SDCCAG8: variants seen among roughly 807,000 people sequenced by gnomAD.
SDCCAG8 encodes the protein SHH signaling and ciliogenesis regulator SDCCAG8, also known as serologically defined colon cancer antigen 8.
In SDCCAG8, 74 loss-of-function variants were observed where a neutral mutation model predicts 101.8. The observed-to-expected ratio is 0.73, with a 90% CI of 0.60 to 0.88. The LOEUF (loss-of-function observed/expected upper bound fraction) is 0.88, where lower values mean the gene tolerates loss of function less well. SDCCAG8 is among the 40% of genes least tolerant of loss of function. SDCCAG8 has a pLI of 0.00. For synonymous variants in SDCCAG8, 281 were observed against 292.9 expected, an observed-to-expected ratio of 0.96 and a Z score of 0.41; for missense variants, 787 against 822.6, an observed-to-expected ratio of 0.96 and a Z score of 0.53.
intron 1 of SDCCAG8, chr1:243,267,551 G>T (rs71652482): frequency 4.6e-6 from 2 of 438,676 alleles, no homozygotes; most frequent in Non-Finnish European, 8.4e-6. Flanking sequence ...GCGGTGAGCC[G>T]AGATTGCGCC....
At chr1:243,293,391 AT>A (rs1274506214) in intron 6 of SDCCAG8, 172 bp downstream of exon 6, 1 of 783,696 alleles carries the variant, frequency 1.3e-6, no homozygotes, top group East Asian at 2.7e-5. Flanking sequence ...AACATTATCC[AT>A]TTTCAGAACT....
At chr1:243,489,236 A>C in intron 17 of SDCCAG8, 96 bp downstream of exon 17, 4 of 1,486,342 alleles carry the variant, frequency 2.7e-6, no homozygotes, top group Admixed American at 2.0e-5. Flanking sequence ...CTCACGGATC[A>C]CATCGGTTAG....
rs144041090 is a variant in SDCCAG8, at chr1:243,272,472, A to G, written c.306+1409A>G. On this transcript the variant is annotated intron_variant, in intron 3 of 17. Coordinates refer to ENST00000366541, the MANE Select transcript of SDCCAG8 (RefSeq NM_006642.5). Reference sequence around the variant, plus strand: ...AAACATCTCATCATTTAATGAATTTATTACTATTGACATCTGGTTTCTAGC... The same window carrying G: ...AAACATCTCATCATTTAATGAATTTGTTACTATTGACATCTGGTTTCTAGC... Among the ~76,000 whole-genome samples, 30 of 152,346 alleles carry G rather than the reference A, an allele frequency of 2.0e-4. 1 individual carries two copies. The East Asian group carries it at 4.2e-3, about 22-fold the overall frequency.
chr1:243,367,016 C>G (rs2077026127), intron 12 of SDCCAG8, among the ~76,000 whole-genome samples: 1 of 151,926 alleles, frequency 6.6e-6, no homozygotes, highest in Admixed American at 6.6e-5. Flanking sequence ...GTTTGCTTTC[C>G]TAAACTGGAA....
chr1:243,409,088 A>G (rs1442494031), intron 13 of SDCCAG8, among the ~76,000 whole-genome samples: 3 of 152,214 alleles, frequency 2.0e-5, no homozygotes, highest in Non-Finnish European at 4.4e-5. Context: ...AATAAACTCA[A>G]AAAGTACCTA....
At chr1:243,300,443 T>C (rs2071390249) in intron 6 of SDCCAG8, among the ~76,000 whole-genome samples, 1 of 152,192 alleles carries the variant, frequency 6.6e-6, no homozygotes, top group Admixed American at 6.5e-5. Flanking sequence ...TCTTCACACT[T>C]CAATTATGAT....
Position 243,316,836 on chromosome 1 carries a change from T to C in SDCCAG8, c.1011T>C (p.Tyr337=), listed in dbSNP as rs2073284784. ...CGCAGCAAAGAGAAGCAAGTGCTTA[T>C]GAACAGGTGAAACAAGTTTTGCAAA... ...ADTQQREASA[Y]EQVKQVLQIS... Residue 337 remains tyrosine, a synonymous_variant, in exon 9 of 18, where the codon TAT becomes TAC. Coordinates refer to ENST00000366541, the MANE Select transcript of SDCCAG8 (RefSeq NM_006642.5). 6.2e-7 allele frequency: 1 copy of C among 1,614,082 alleles called. No individual in the cohort carries two copies. The highest frequency in any genetic ancestry group is 8.5e-7 in the Non-Finnish European group (1 of 1,180,032).
intron 16 of SDCCAG8, among the ~76,000 whole-genome samples, chr1:243,456,921 T>A (rs1475211072): frequency 6.6e-6 from 1 of 152,214 alleles, no homozygotes; most frequent in Non-Finnish European, 1.5e-5. Context: ...ACATTTGTTT[T>A]TAAGGGTCTT....
At chr1:243,432,699 G>A (rs934838088) in intron 16 of SDCCAG8, among the ~76,000 whole-genome samples, 6 of 152,010 alleles carry the variant, frequency 3.9e-5, no homozygotes, top group Non-Finnish European at 7.4e-5. Context: ...AGTATCTTTT[G>A]GTGTGAAGAC....
intron 16 of SDCCAG8, among the ~76,000 whole-genome samples, chr1:243,461,262 G>A (rs574672287): frequency 6.6e-6 from 1 of 152,282 alleles, no homozygotes; most frequent in South Asian, 2.1e-4. Flanking sequence ...TTGTTTTACT[G>A]CTGTAAAGAG....
intron 13 of SDCCAG8, among the ~76,000 whole-genome samples, chr1:243,402,659 G>A (rs1036286851): frequency 6.6e-6 from 1 of 152,182 alleles, no homozygotes; most frequent in Non-Finnish European, 1.5e-5. Flanking sequence ...CACTCCAGAC[G>A]TCACAGCCCT....
chr1:243,291,255 C>T (rs893409609), intron 5 of SDCCAG8, among the ~76,000 whole-genome samples: 1 of 152,162 alleles, frequency 6.6e-6, no homozygotes, highest in Non-Finnish European at 1.5e-5. Context: ...TTCCCCAGAT[C>T]ATTGGGCTGC....
intron 12 of SDCCAG8, among the ~76,000 whole-genome samples, chr1:243,346,022 G>A (rs2075682876): frequency 6.6e-6 from 1 of 152,206 alleles, no homozygotes; most frequent in Admixed American, 6.5e-5. Context: ...CAAGATGTTT[G>A]TGATGTGTTG....
chr1:243,452,080 C>T (rs1003515242), intron 16 of SDCCAG8, among the ~76,000 whole-genome samples: 9 of 152,216 alleles, frequency 5.9e-5, no homozygotes, highest in African/African-American at 2.2e-4. Flanking sequence ...TGTTACATCT[C>T]GTTACACCTG....
intron 16 of SDCCAG8, among the ~76,000 whole-genome samples, chr1:243,456,823 A>C (rs137873307): frequency 6.6e-6 from 1 of 152,274 alleles, no homozygotes; most frequent in East Asian, 1.9e-4. Flanking sequence ...TAGAATTGGG[A>C]TGGAAGACCT....
chr1:243,256,927 C>T (rs1188391241), intron 1 of SDCCAG8, among the ~76,000 whole-genome samples: 2 of 152,172 alleles, frequency 1.3e-5, no homozygotes, highest in Non-Finnish European at 2.9e-5. Context: ...ACCACATTAC[C>T]ATATGAGCAA....
intron 12 of SDCCAG8, among the ~76,000 whole-genome samples, chr1:243,367,570 T>A (rs1179801192): frequency 6.6e-6 from 1 of 151,970 alleles, no homozygotes; most frequent in Non-Finnish European, 1.5e-5. Context: ...CCAGTCACCC[T>A]CTTTCTGCTT....
intron 17 of SDCCAG8, among the ~76,000 whole-genome samples, chr1:243,494,391 T>A (rs1359803611): frequency 6.6e-6 from 1 of 152,240 alleles, no homozygotes; most frequent in Admixed American, 6.5e-5. Context: ...CATATTTTTT[T>A]AAATAAACTT....
chr1:243,490,199 C>T (rs1239903996), intron 17 of SDCCAG8, among the ~76,000 whole-genome samples: 1 of 152,270 alleles, frequency 6.6e-6, no homozygotes, highest in Non-Finnish European at 1.5e-5. Flanking sequence ...GGTCCAAAAT[C>T]CCTCTGCCAA....
Sources: allele counts gnomAD v4.1 joint callset (sites outside exome capture counted in the v4.1 genomes callset), GRCh38; gene constraint gnomAD v4.1.1; transcripts MANE v1.5; gene names NCBI Gene and HGNC (gene_info 2026-07-23, HGNC 2026-07-21).